MAPKAPK5: variants seen among roughly 807,000 people sequenced by gnomAD.
MAPKAPK5 encodes the protein MAP kinase-activated protein kinase 5.
A neutral mutation model predicts 65.1 loss-of-function variants in MAPKAPK5; 30 were observed. That is an observed-to-expected ratio of 0.46 (90% CI 0.34 to 0.63). The LOEUF is 0.63. MAPKAPK5 is among the 20% of genes least tolerant of loss of function. The pLI, the probability that MAPKAPK5 is intolerant of heterozygous loss-of-function variation, is 0.01. For missense variants in MAPKAPK5, 433 were observed against 581.4 expected (o/e 0.74, Z 2.63); for synonymous variants, 179 against 204.6 (o/e 0.87, Z 1.07).
chr12:111,857,290 A>G (rs1040347834), intron 1 of MAPKAPK5, among the ~76,000 whole-genome samples: 1 of 146,626 alleles, frequency 6.8e-6, no homozygotes, highest in Non-Finnish European at 1.5e-5. Context: ...TGCTTAGGCT[A>G]GAGTGCAGTG....
chr12:111,865,863 G>A (rs958147778), intron 2 of MAPKAPK5, among the ~76,000 whole-genome samples: 3 of 147,676 alleles, frequency 2.0e-5, no homozygotes, highest in African/African-American at 7.5e-5. Context: ...AAAAAAGGGT[G>A]TCGAGACTGT....
intron 10 of MAPKAPK5, chr12:111,888,260 A>AG (rs34953068): frequency 2.2e-6 from 1 of 448,942 alleles, no homozygotes. Flanking sequence ...TCCCCCCACC[A>AG]GGGAAGAAGG....
intron 1 of MAPKAPK5, among the ~76,000 whole-genome samples, chr12:111,843,917 A>G (rs2068822296): frequency 6.6e-6 from 1 of 152,062 alleles, no homozygotes; most frequent in Non-Finnish European, 1.5e-5. Context: ...GGTTCACGCC[A>G]TTCTCCTGCC....
In MAPKAPK5 at chr12:111,900,844, A is replaced by G. The variant is rs1286170629; in HGVS notation, c.*7783A>G. 1 of 456,070 alleles carries G rather than the reference A, an allele frequency of 2.2e-6. No homozygotes were observed. The highest frequency in any genetic ancestry group is 2.3e-5 in the Admixed American group (1 of 42,574). 28.3% of individuals were successfully genotyped at this position (456,070 alleles called of 1,614,324 possible). The stretch of plus-strand genomic sequence containing the variant: ...GGCTCAAAATGTCATACAATTTACG[A>G]GTGCCTTAAAGTTCATTGTATGGAC... On this transcript the variant is annotated 3_prime_UTR_variant, in exon 14 of 14. Transcript: ENST00000550735.
At chr12:111,872,028 T>C (rs573035250) in intron 7 of MAPKAPK5, among the ~76,000 whole-genome samples, 1 of 152,400 alleles carries the variant, frequency 6.6e-6, no homozygotes, top group South Asian at 2.1e-4. Flanking sequence ...TTCCTTTTCA[T>C]TGCCAAGTAG....
intron 6 of MAPKAPK5, 31 bp from the exon 7 acceptor site, chr12:111,871,054 G>A (rs1316410357): frequency 6.4e-7 from 1 of 1,556,170 alleles, no homozygotes. Flanking sequence ...GAGCACTCTG[G>A]AGCAGTGACT....
At chr12:111,866,373 CTA>C in intron 3 of MAPKAPK5, 142 bp downstream of exon 3, 1 of 663,380 alleles carries the variant, frequency 1.5e-6, no homozygotes, top group Non-Finnish European at 2.5e-6. Flanking sequence ...CCCATTCATG[CTA>C]TCTTAGTAAA....
chr12:111,889,062 G>A, intron 12 of MAPKAPK5, 62 bp downstream of exon 12: 1 of 1,523,894 alleles, frequency 6.6e-7, no homozygotes, highest in Non-Finnish European at 8.9e-7. Context: ...GCAGGGGTGG[G>A]TGGGTGTATG....
chr12:111,853,809 A>G (rs948926987), intron 1 of MAPKAPK5, among the ~76,000 whole-genome samples: 1 of 152,226 alleles, frequency 6.6e-6, no homozygotes, highest in African/African-American at 2.4e-5. Context: ...TGCTGGGATT[A>G]CAGGCTTAAG....
intron 1 of MAPKAPK5, among the ~76,000 whole-genome samples, chr12:111,851,827 C>G (rs932430204): frequency 2.0e-5 from 3 of 152,132 alleles, no homozygotes; most frequent in African/African-American, 7.2e-5. Context: ...TGCGTGACTT[C>G]ATAGGATTTA....
chr12:111,885,745 G>T, intron 9 of MAPKAPK5, 171 bp from the exon 10 acceptor site: 1 of 688,172 alleles, frequency 1.5e-6, no homozygotes, highest in Non-Finnish European at 2.4e-6. Context: ...TCAAGCCATA[G>T]TACCCCTACA....
Position 111,852,505 on chromosome 12 carries a change from A to T in MAPKAPK5, c.36+9736A>T, listed in dbSNP as rs577035192. ...CTCTATTGTAACAATATAGTATGTA[A>T]TACATAAAATATGTGTTAATTGACT... On this transcript the variant is annotated intron_variant, in intron 1 of 13. Coordinates refer to ENST00000550735, the MANE Select transcript of MAPKAPK5 (RefSeq NM_003668.4). 1.1e-4 allele frequency among the ~76,000 whole-genome samples: 16 copies of T among 152,332 alleles called. No individual in the cohort carries two copies. The South Asian group carries it at 3.3e-3, about 32-fold the overall frequency.
rs2069742985 is a variant in MAPKAPK5 at position 111,870,318 on chromosome 12, A to G, written c.441A>G (p.Arg147=). 6.2e-7 allele frequency: 1 copy of G among 1,610,976 alleles called. No individual in the cohort carries two copies. The highest frequency in any genetic ancestry group is 1.3e-5 in the African/African-American group (1 of 74,902). ...GTCACTTGTTAAACATTGCGCACAG[A>G]GACCTCAAGCCTGAAAATCTGCTTT... The part of the protein sequence containing the change: ...RHCHLLNIAH[R]DLKPENLLFK... Residue 147 remains arginine (R), a synonymous_variant, in exon 6 of 14, where the codon AGA becomes AGG. Coordinates refer to ENST00000550735, the MANE Select transcript of MAPKAPK5 (RefSeq NM_003668.4).
chr12:111,854,084 A>G (rs907452903), intron 1 of MAPKAPK5, among the ~76,000 whole-genome samples: 1 of 152,088 alleles, frequency 6.6e-6, no homozygotes, highest in Non-Finnish European at 1.5e-5. Context: ...GGATTGTTTA[A>G]TCTATATTCA....
rs1272467418 is a variant in MAPKAPK5 at position 111,900,040 on chromosome 12, TG to T, written c.*6981del. ...GTCAATGAGACGGTCCAGACAGTAGTGGATGTCATTGCTCTGGCCAACAGCT... is the reference window on the plus strand; with the variant it reads ...GTCAATGAGACGGTCCAGACAGTAGTGATGTCATTGCTCTGGCCAACAGCT... On this transcript the variant is annotated 3_prime_UTR_variant, in exon 14 of 14. Coordinates refer to ENST00000550735, the MANE Select transcript of MAPKAPK5 (RefSeq NM_003668.4). 35 of 456,008 alleles carry T rather than the reference TG, an allele frequency of 7.7e-5. 1 individual carries two copies. Among genetic ancestry groups the T allele is most frequent in the African/African-American group, 6.4e-4 (32 of 50,180 alleles). 28.2% of individuals were successfully genotyped at this position (456,008 alleles called of 1,614,324 possible).
intron 1 of MAPKAPK5, among the ~76,000 whole-genome samples, chr12:111,856,824 AAGAG>A (rs1377873734): frequency 2.0e-5 from 3 of 152,232 alleles, no homozygotes; most frequent in Non-Finnish European, 4.4e-5. Context: ...TGTTTTAAAT[AAGAG>A]AGAAAGGAAT....
At chr12:111,875,857 A>G (rs1441955413) in intron 7 of MAPKAPK5, among the ~76,000 whole-genome samples, 1 of 152,092 alleles carries the variant, frequency 6.6e-6, no homozygotes, top group Admixed American at 6.6e-5. Context: ...GAAGGGCCTG[A>G]CTTAAAGATT....
chr12:111,871,977 T>G (rs1227743277), intron 7 of MAPKAPK5, among the ~76,000 whole-genome samples: 1 of 152,238 alleles, frequency 6.6e-6, no homozygotes, highest in East Asian at 1.9e-4. Flanking sequence ...CTTAGCATGT[T>G]TTTGAGATTT....
intron 8 of MAPKAPK5, among the ~76,000 whole-genome samples, chr12:111,882,233 A>T (rs943498569): frequency 6.6e-6 from 1 of 152,200 alleles, no homozygotes; most frequent in African/African-American, 2.4e-5. Context: ...ACAAAAAATT[A>T]GCCGGGTGTG....
Sources: allele counts gnomAD v4.1 joint callset (sites outside exome capture counted in the v4.1 genomes callset), GRCh38; gene constraint gnomAD v4.1.1; transcripts MANE v1.5; gene names NCBI Gene and HGNC (gene_info 2026-07-23, HGNC 2026-07-21).